Variants in PABPC4L observed in about 807,000 individuals in gnomAD.
PABPC4L encodes the protein poly(A) binding protein cytoplasmic 4 like.
For missense variants in PABPC4L, 452 were observed against 451.4 expected (o/e 1.00, Z -0.01); for synonymous variants, 169 against 164.1 (o/e 1.03, Z -0.23).
chr4:134,106,463 T>C, the PABPC4L span, among the ~76,000 whole-genome samples: 3 of 150,842 alleles, frequency 2.0e-5, no homozygotes, highest in Non-Finnish European at 4.4e-5. Context: ...GAAAGAAAAA[T>C]AGAAGTGTAA....
chr4:133,962,252 C>T, the PABPC4L span, among the ~76,000 whole-genome samples: 1 of 152,178 alleles, frequency 6.6e-6, no homozygotes, highest in South Asian at 2.1e-4. Flanking sequence ...ATCACACTAG[C>T]TCACTAGGAA....
chr4:134,125,377 A>G, the PABPC4L span, among the ~76,000 whole-genome samples: 1 of 151,970 alleles, frequency 6.6e-6, no homozygotes, highest in Non-Finnish European at 1.5e-5. Context: ...TTAGTTACAT[A>G]TGTATACATG....
the PABPC4L span, among the ~76,000 whole-genome samples, chr4:134,150,165 C>T: frequency 5.3e-5 from 8 of 151,678 alleles, no homozygotes; most frequent in South Asian, 1.0e-3. Context: ...TCACTGCAAC[C>T]TCCGCCTCCC....
the PABPC4L span, among the ~76,000 whole-genome samples, chr4:133,982,583 T>C: frequency 6.6e-6 from 1 of 152,018 alleles, no homozygotes; most frequent in African/African-American, 2.4e-5. Context: ...AAGTGTTTAT[T>C]AATAAATAGT....
the PABPC4L span, among the ~76,000 whole-genome samples, chr4:134,055,648 G>T: frequency 1.5e-5 from 2 of 130,526 alleles, no homozygotes; most frequent in Admixed American, 1.6e-4. Flanking sequence ...TTTTTTTTTG[G>T]CAATTTTCTA....
chr4:133,970,917 A>G, the PABPC4L span, among the ~76,000 whole-genome samples: 1 of 152,258 alleles, frequency 6.6e-6, no homozygotes, highest in South Asian at 2.1e-4. Context: ...CAGTTTCCAT[A>G]ATCATAAGAC....
At chr4:134,031,675 T>C in the PABPC4L span, among the ~76,000 whole-genome samples, 1 of 151,970 alleles carries the variant, frequency 6.6e-6, no homozygotes, top group Non-Finnish European at 1.5e-5. Flanking sequence ...TTGCAACTCA[T>C]AGCTCCATTG....
the PABPC4L span, among the ~76,000 whole-genome samples, chr4:133,980,651 T>C: frequency 2.0e-5 from 3 of 152,052 alleles, no homozygotes; most frequent in African/African-American, 7.2e-5. Context: ...GCCAAGAGAA[T>C]CATGAAAATG....
At chr4:134,043,007 T>C in the PABPC4L span, among the ~76,000 whole-genome samples, 1 of 152,104 alleles carries the variant, frequency 6.6e-6, no homozygotes, top group Non-Finnish European at 1.5e-5. Context: ...TTTTCTTGTA[T>C]TTTGCATAGA....
Position 134,200,513 on chromosome 4 carries a change from A to G in PABPC4L, c.507T>C (p.Val169=), listed in dbSNP as rs773209822. ...GKLLKGCKVF[V]GRFKNRKDRE... ...GATCTTTTCGGTTTTTGAATCTGCCAACAAACACCTTGCAGCCCTTGAGTA... is the reference window on the plus strand; with the variant it reads ...GATCTTTTCGGTTTTTGAATCTGCCGACAAACACCTTGCAGCCCTTGAGTA... Residue 169 remains valine, a synonymous_variant, in exon 2 of 2, where the codon GTT becomes GTC. Coordinates refer to ENST00000421491, the MANE Select transcript of PABPC4L (RefSeq NM_001114734.2). The G allele has an allele frequency of 6.8e-5, 105 of 1,551,502 alleles. No individual in the cohort carries two copies. Among genetic ancestry groups the G allele is most frequent in the Middle Eastern group, 5.0e-4 (3 of 6,014 alleles).
At chr4:134,001,188 G>A in the PABPC4L span, among the ~76,000 whole-genome samples, 2 of 151,010 alleles carry the variant, frequency 1.3e-5, no homozygotes, top group South Asian at 2.1e-4. Context: ...ACAGGTTTAA[G>A]CATGACAAAC....
At chr4:134,193,842 A>C, downstream of PABPC4L, among the ~76,000 whole-genome samples, 1 of 152,072 alleles carries the variant, frequency 6.6e-6, no homozygotes, top group African/African-American at 2.4e-5. Flanking sequence ...ATTCAATAAA[A>C]TAAATTTTAG....
the PABPC4L span, among the ~76,000 whole-genome samples, chr4:133,974,156 T>G: frequency 6.6e-6 from 1 of 151,946 alleles, no homozygotes; most frequent in African/African-American, 2.4e-5. Context: ...GGCATAAGGA[T>G]AAAAATATAG....
chr4:134,048,452 C>G, the PABPC4L span, among the ~76,000 whole-genome samples: 1 of 152,086 alleles, frequency 6.6e-6, no homozygotes, highest in Non-Finnish European at 1.5e-5. Flanking sequence ...CCTACCTAAA[C>G]TGGAGAATCT....
chr4:134,127,582 C>T, the PABPC4L span, among the ~76,000 whole-genome samples: 1 of 152,038 alleles, frequency 6.6e-6, no homozygotes, highest in Non-Finnish European at 1.5e-5. Context: ...CTCAGGAAGC[C>T]CCATCCCTAG....
the PABPC4L span, among the ~76,000 whole-genome samples, chr4:134,067,002 T>C: frequency 6.6e-6 from 1 of 152,114 alleles, no homozygotes; most frequent in Non-Finnish European, 1.5e-5. Context: ...GAATTCTTCT[T>C]TTTGTTGTTT....
At chr4:134,043,997 A>T in the PABPC4L span, among the ~76,000 whole-genome samples, 55 of 151,894 alleles carry the variant, frequency 3.6e-4, 1 homozygote, top group East Asian at 9.5e-3. Context: ...CTCAAACGAC[A>T]CCTAGGTGTC....
At chr4:134,183,581 T>C in the PABPC4L span, among the ~76,000 whole-genome samples, 17 of 151,814 alleles carry the variant, frequency 1.1e-4, 1 homozygote, top group Admixed American at 5.9e-4. Flanking sequence ...TACCTATATA[T>C]GTACCTATAC....
the PABPC4L span, among the ~76,000 whole-genome samples, chr4:134,133,206 C>A: frequency 7.5e-6 from 1 of 132,602 alleles, no homozygotes; most frequent in Non-Finnish European, 1.5e-5. Flanking sequence ...TATATGTATA[C>A]AATGTCTAAT....
Sources: allele counts gnomAD v4.1 joint callset (sites outside exome capture counted in the v4.1 genomes callset), GRCh38; gene constraint gnomAD v4.1.1; transcripts MANE v1.5; gene names NCBI Gene and HGNC (gene_info 2026-07-23, HGNC 2026-07-21).